UGT1A8: variants seen among roughly 807,000 people sequenced by gnomAD.
UGT1A8 encodes the protein UDP-glucuronosyltransferase 1A8.
In UGT1A8, 39 loss-of-function variants were observed where a neutral mutation model predicts 45.3. The observed-to-expected ratio is 0.86, with a 90% CI of 0.67 to 1.12. The LOEUF is 1.12. Among genes scored for constraint, UGT1A8 ranks in the 50% most tolerant of loss-of-function variants. UGT1A8 has a pLI of 0.00. For missense variants in UGT1A8, 719 were observed against 664.9 expected (o/e 1.08, Z -0.90); for synonymous variants, 275 against 249.2 (o/e 1.10, Z -0.97).
At chr2:233,747,688 C>T in intron 1 of UGT1A8, 2 of 1,609,342 alleles carry the variant, frequency 1.2e-6, no homozygotes, top group South Asian at 2.2e-5. Context: ...CTCTGTGGGG[C>T]AGTGCTGGCT....
chr2:233,638,323 T>C (rs530877051), intron 1 of UGT1A8, among the ~76,000 whole-genome samples: 1 of 152,334 alleles, frequency 6.6e-6, no homozygotes, highest in South Asian at 2.1e-4. Context: ...CATTTCTACA[T>C]TTAACTGATT....
chr2:233,766,080 C>A (rs1198931583), intron 1 of UGT1A8, among the ~76,000 whole-genome samples: 1 of 152,194 alleles, frequency 6.6e-6, no homozygotes, highest in African/African-American at 2.4e-5. Context: ...TACCTTGTCG[C>A]AAGGACAGAG....
intron 1 of UGT1A8, among the ~76,000 whole-genome samples, chr2:233,735,380 C>T (rs2078647090): frequency 1.3e-5 from 2 of 152,070 alleles, no homozygotes; most frequent in Middle Eastern, 3.2e-3. Context: ...TTCCTCCATC[C>T]CTTTATTTTG....
chr2:233,727,949 G>C (rs1469801849), intron 1 of UGT1A8, among the ~76,000 whole-genome samples: 1 of 152,198 alleles, frequency 6.6e-6, no homozygotes, highest in African/African-American at 2.4e-5. Flanking sequence ...CAGACAGCCT[G>C]CCCACATCAT....
At chr2:233,728,241 AG>A (rs2077692847) in intron 1 of UGT1A8, among the ~76,000 whole-genome samples, 1 of 152,098 alleles carries the variant, frequency 6.6e-6, no homozygotes, top group Non-Finnish European at 1.5e-5. Context: ...GATGAAATAA[AG>A]GCCTGGATGA....
intron 1 of UGT1A8, among the ~76,000 whole-genome samples, chr2:233,631,583 G>T (rs977452647): frequency 6.6e-6 from 1 of 152,154 alleles, no homozygotes; most frequent in Non-Finnish European, 1.5e-5. Flanking sequence ...TTTCTCTAAT[G>T]ACCAGTGATG....
intron 1 of UGT1A8, chr2:233,753,549 G>A (rs917906556): frequency 6.6e-6 from 1 of 152,150 alleles, no homozygotes; most frequent in Admixed American, 6.5e-5. Flanking sequence ...TTCCTCAGAG[G>A]TGACCCTAGA....
intron 1 of UGT1A8, among the ~76,000 whole-genome samples, chr2:233,680,883 C>T (rs142329084): frequency 9.9e-5 from 15 of 152,050 alleles, no homozygotes; most frequent in East Asian, 2.0e-4. Context: ...AGCATAGGGA[C>T]GGCGACTCAC....
intron 1 of UGT1A8, chr2:233,691,054 G>T: frequency 4.1e-6 from 4 of 987,462 alleles, no homozygotes; most frequent in Non-Finnish European, 4.8e-6. Flanking sequence ...GCAGAGTGGA[G>T]GTCTAGTATA....
chr2:233,736,596 G>A lies in UGT1A8; in HGVS notation c.856-30438G>A, dbSNP rs539240501. Among the ~76,000 whole-genome samples, 13 of 152,274 alleles carry A rather than the reference G, an allele frequency of 8.5e-5. No individual in the cohort carries two copies. The East Asian group carries it at 9.6e-4, about 11-fold the overall frequency. ...TCCTTTGGAGGAGATGTGCTTATGC[G>A]CTATGGTTTTTAGAATTTTCAGCTT... On this transcript the variant is annotated intron_variant, in intron 1 of 4. Transcript: ENST00000373450.
At chr2:233,754,990 G>A (rs1695677105) in intron 1 of UGT1A8, 1 of 1,294,272 alleles carries the variant, frequency 7.7e-7, no homozygotes, top group Non-Finnish European at 1.0e-6. Context: ...GCGGGGTCAC[G>A]GAAGCTGAAG....
At chr2:233,650,966 A>G (rs1353618983) in intron 1 of UGT1A8, among the ~76,000 whole-genome samples, 2 of 152,224 alleles carry the variant, frequency 1.3e-5, no homozygotes, top group Non-Finnish European at 2.9e-5. Context: ...TAGACTTTGT[A>G]ACACAGTTGT....
chr2:233,734,021 G>A (rs2078468168), intron 1 of UGT1A8, among the ~76,000 whole-genome samples: 1 of 152,072 alleles, frequency 6.6e-6, no homozygotes, highest in Non-Finnish European at 1.5e-5. Context: ...ACGAGTTAAT[G>A]GGTGCAGCAC....
intron 1 of UGT1A8, chr2:233,671,701 G>T (rs2074197268): frequency 1.8e-6 from 1 of 564,104 alleles, no homozygotes; most frequent in Non-Finnish European, 2.2e-6. Context: ...CTGCCCCCAA[G>T]GCAAAGACCA....
In UGT1A8 at chr2:233,772,930, T is replaced by A; in HGVS notation, c.*371T>A. On this transcript the variant is annotated 3_prime_UTR_variant, in exon 5 of 5. Coordinates refer to ENST00000373450, the MANE Select transcript of UGT1A8 (RefSeq NM_019076.5). ...CCTACTGCAAATGGCAGTTTTAATC[T>A]TATCTTTTGGCTTCTGCAGATGGTT... The A allele has an allele frequency of 2.9e-6, 1 of 350,402 alleles. No individual in the cohort carries two copies. The highest frequency in any genetic ancestry group is 3.0e-5 in the South Asian group (1 of 32,922). The allele number at this position is 350,402 out of a possible 1,614,324, so 21.7% of individuals were successfully genotyped here.
chr2:233,647,379 T>C (rs992308526), intron 1 of UGT1A8, among the ~76,000 whole-genome samples: 2 of 152,216 alleles, frequency 1.3e-5, no homozygotes, highest in Non-Finnish European at 2.9e-5. Flanking sequence ...GGTTTTGGTA[T>C]TGTGGTAATG....
chr2:233,738,005 T>G (rs1333736742), intron 1 of UGT1A8, among the ~76,000 whole-genome samples: 1 of 152,062 alleles, frequency 6.6e-6, no homozygotes, highest in Non-Finnish European at 1.5e-5. Flanking sequence ...CCACCAAATC[T>G]CATCTTGAAT....
intron 1 of UGT1A8, among the ~76,000 whole-genome samples, chr2:233,721,183 C>T (rs1370349767): frequency 6.6e-6 from 1 of 152,264 alleles, no homozygotes; most frequent in South Asian, 2.1e-4. Context: ...GATCAAACCA[C>T]AAGATATTTG....
chr2:233,764,964 G>A (rs1018241082), intron 1 of UGT1A8, among the ~76,000 whole-genome samples: 15 of 152,140 alleles, frequency 9.9e-5, no homozygotes, highest in Non-Finnish European at 2.9e-5. Context: ...CTCACCTTGG[G>A]AGAAGGATGG....
Sources: gnomAD v4.1 joint callset for allele counts (sites outside exome capture counted in the v4.1 genomes callset) on GRCh38, gnomAD v4.1.1 for gene constraint, MANE v1.5 for transcripts, NCBI Gene and HGNC (gene_info 2026-07-23, HGNC 2026-07-21) for gene names.